The following LPP variants were observed in gnomAD, a reference collection of about 807,000 sequenced individuals.
LPP encodes the protein lipoma-preferred partner.
A neutral mutation model predicts 60.4 loss-of-function variants in LPP; 38 were observed. The ratio of observed to expected loss-of-function variants is 0.63; its 90% CI spans 0.49 to 0.83. The LOEUF (loss-of-function observed/expected upper bound fraction) is 0.83, where lower values mean the gene tolerates loss of function less well. Ranked by LOEUF, LPP falls within the 40% of genes least tolerant of loss-of-function variation. The pLI, the probability that LPP is intolerant of heterozygous loss-of-function variation, is 0.00. For missense variants in LPP, 902 were observed against 783.6 expected, an observed-to-expected ratio of 1.15 and a Z score of -1.80; for synonymous variants, 328 against 290.8, an observed-to-expected ratio of 1.13 and a Z score of -1.30.
chr3:188,876,153 T>G lies in LPP; in HGVS notation c.*1674T>G, dbSNP rs1769231357. ...TCTAGTTTTTTTTCTAGTTTTTAAT[T>G]TTAACATCAGAACTGAAATAAAAAA... is the stretch of plus-strand genomic sequence containing the variant. On this transcript the variant is annotated 3_prime_UTR_variant, in exon 12 of 12. Transcript: ENST00000617246. 5.3e-6 allele frequency: 1 copy of G among 188,408 alleles called. No individual in the cohort carries two copies. The highest frequency in any genetic ancestry group is 1.1e-5 in the Non-Finnish European group (1 of 89,260). 11.7% of individuals were successfully genotyped at this position (188,408 alleles called of 1,614,324 possible). A position where few individuals can be genotyped will look rare whatever the true frequency, so the allele number is the denominator to read the frequency against.
intron 1 of LPP, among the ~76,000 whole-genome samples, chr3:188,196,283 C>T (rs1729526401): frequency 6.6e-6 from 1 of 152,152 alleles, no homozygotes. Context: ...CTCCTACATG[C>T]CTTTTGGACA....
At chr3:188,790,728 AG>A (rs1490371636) in intron 9 of LPP, among the ~76,000 whole-genome samples, 4 of 151,868 alleles carry the variant, frequency 2.6e-5, no homozygotes, top group Non-Finnish European at 5.9e-5. Flanking sequence ...AGGCTGAGGC[AG>A]GAGAGTCGCT....
intron 10 of LPP, among the ~76,000 whole-genome samples, 166 bp downstream of exon 10, chr3:188,866,544 TATC>T (rs1170421571): frequency 3.3e-5 from 5 of 152,170 alleles, no homozygotes; most frequent in Non-Finnish European, 5.9e-5. Flanking sequence ...CAAGAATTAA[TATC>T]AGACAATCCA....
chr3:188,180,543 T>A (rs1724640452), intron 1 of LPP: 1 of 154,534 alleles, frequency 6.5e-6, no homozygotes, highest in African/African-American at 2.4e-5. Flanking sequence ...TGTGTGGTAT[T>A]TTTGTGTTAT....
intron 2 of LPP, among the ~76,000 whole-genome samples, chr3:188,322,586 G>A (rs946530826): frequency 6.6e-6 from 1 of 152,088 alleles, no homozygotes; most frequent in Non-Finnish European, 1.5e-5. Context: ...GTTATATACG[G>A]CCTGAGTTTT....
intron 3 of LPP, among the ~76,000 whole-genome samples, chr3:188,370,090 G>C (rs1772550544): frequency 6.6e-6 from 1 of 152,110 alleles, no homozygotes; most frequent in Non-Finnish European, 1.5e-5. Context: ...ACCACACCCA[G>C]CTAATTTTTG....
chr3:188,209,836 C>T (rs937727897), intron 1 of LPP, among the ~76,000 whole-genome samples: 3 of 152,190 alleles, frequency 2.0e-5, no homozygotes, highest in African/African-American at 7.2e-5. Flanking sequence ...GTCCACAAGG[C>T]CAGCAGTATA....
At chr3:188,478,120 T>C (rs939390670) in intron 4 of LPP, among the ~76,000 whole-genome samples, 2 of 152,214 alleles carry the variant, frequency 1.3e-5, no homozygotes, top group Non-Finnish European at 1.5e-5. Context: ...GTTACCTTTG[T>C]TTTATCCTCT....
chr3:188,477,859 A>G, intron 4 of LPP, among the ~76,000 whole-genome samples: 1 of 152,206 alleles, frequency 6.6e-6, no homozygotes, highest in East Asian at 1.9e-4. Flanking sequence ...ATACATTATT[A>G]AATAAATGAT....
rs767976931 is a variant in LPP at position 188,662,049 on chromosome 3, G to A, written c.1114-46218G>A. Among the ~76,000 whole-genome samples, 94 of 152,194 alleles carry A rather than the reference G, an allele frequency of 6.2e-4. 1 individual carries two copies. The highest frequency in any genetic ancestry group is 2.0e-4 in the Admixed American group (3 of 15,274). ...GACCAGAAAGAGAGAGAAGAGAAAG[G>A]AAAAGAAGGGAGAAATGTTGACTCA... On this transcript the variant is annotated intron_variant, in intron 7 of 11. Transcript: ENST00000617246.
In LPP at chr3:188,722,588, A is replaced by T. The variant is rs192183639; in HGVS notation, c.1240+14195A>T. Among the ~76,000 whole-genome samples, 405 of 152,318 alleles carry T rather than the reference A, an allele frequency of 2.7e-3. 1 individual carries two copies. The highest frequency in any genetic ancestry group is 9.2e-3 in the African/African-American group (381 of 41,568). Reference sequence around the variant, plus strand: ...AGAACTCTTCTTTTAGCAGCTTTAAAATGAGTGTTATTTTGCCAGAAGAAC... The same window carrying T: ...AGAACTCTTCTTTTAGCAGCTTTAATATGAGTGTTATTTTGCCAGAAGAAC... On this transcript the variant is annotated intron_variant, in intron 8 of 11. Transcript: ENST00000617246.
intron 9 of LPP, among the ~76,000 whole-genome samples, chr3:188,858,864 C>T (rs1312190715): frequency 1.3e-5 from 2 of 151,964 alleles, no homozygotes; most frequent in Admixed American, 6.6e-5. Context: ...CCGAGGTGGG[C>T]GGATCACCTG....
intron 3 of LPP, among the ~76,000 whole-genome samples, chr3:188,380,088 A>G (rs1444786643): frequency 2.0e-5 from 3 of 152,188 alleles, no homozygotes; most frequent in Non-Finnish European, 2.9e-5. Flanking sequence ...AAGGTCCCCC[A>G]GGTTGGTAGT....
At chr3:188,825,573 G>T (rs1755248124) in intron 9 of LPP, among the ~76,000 whole-genome samples, 1 of 151,980 alleles carries the variant, frequency 6.6e-6, no homozygotes, top group Admixed American at 6.6e-5. Context: ...ACAGGGTTCT[G>T]AGAGTGAGAG....
chr3:188,293,942 T>C (rs1746919549), intron 2 of LPP, among the ~76,000 whole-genome samples: 1 of 151,096 alleles, frequency 6.6e-6, no homozygotes, highest in South Asian at 2.1e-4. Context: ...AGTGTGTGCC[T>C]GTAATCCCAG....
chr3:188,738,525 T>C (rs1723296737), intron 8 of LPP, among the ~76,000 whole-genome samples: 2 of 152,200 alleles, frequency 1.3e-5, no homozygotes. Context: ...AATCTTACTC[T>C]ACCCTAGTGG....
chr3:188,203,499 A>ATATATTTT (rs1377256544), intron 1 of LPP, among the ~76,000 whole-genome samples: 1 of 63,218 alleles, frequency 1.6e-5, no homozygotes, highest in African/African-American at 5.7e-5. Flanking sequence ...TTAAATATAT[A>ATATATTTT]TAAATATATA....
At chr3:188,500,374 A>G (rs907061794) in intron 5 of LPP, among the ~76,000 whole-genome samples, 2 of 152,138 alleles carry the variant, frequency 1.3e-5, no homozygotes, top group Non-Finnish European at 2.9e-5. Context: ...TTCTGTTAAT[A>G]TAATATATAA....
At position 188,609,846 on chromosome 3, in the gene LPP, T is replaced by C; in HGVS notation, c.1113+2T>C. On this transcript the variant is annotated splice_donor_variant, in intron 7 of 11. Transcript: ENST00000617246. LOFTEE classifies it high-confidence loss of function. The surrounding 1 kb of genome is among the most constrained non-coding windows in gnomAD (Gnocchi z 6.9). ...TGTGCGCCACCATTGCAGCCAAAGG[T>C]AAGAAACTCAGTAACATAAGGAGGA... The C allele has an allele frequency of 1.2e-6, 2 of 1,605,904 alleles. No homozygotes were observed. The highest frequency in any genetic ancestry group is 1.7e-6 in the Non-Finnish European group (2 of 1,176,654).
Sources: allele counts gnomAD v4.1 joint callset (sites outside exome capture counted in the v4.1 genomes callset), GRCh38; gene constraint gnomAD v4.1.1; non-coding constraint Gnocchi (gnomAD v3.1); transcripts MANE v1.5; gene names NCBI Gene and HGNC (gene_info 2026-07-23, HGNC 2026-07-21).